Variants in RUNX1 observed in about 807,000 individuals in gnomAD.
RUNX1 encodes the protein runt-related transcription factor 1.
RUNX1 carries 19 observed loss-of-function variants against 42.8 expected under a neutral mutation model. That is an observed-to-expected ratio of 0.44 (90% confidence interval 0.31 to 0.65). The LOEUF (loss-of-function observed/expected upper bound fraction) is 0.65, where lower values mean the gene tolerates loss of function less well. Among genes scored for constraint, RUNX1 ranks in the 30% least tolerant of loss-of-function variants. The pLI, the probability that RUNX1 is intolerant of heterozygous loss-of-function variation, is 0.07. For missense variants in RUNX1, 528 were observed against 672.0 expected (o/e 0.79, Z 2.37); for synonymous variants, 271 against 289.4 (o/e 0.94, Z 0.64).
At chr21:34,943,096 G>A (rs2058539568) in intron 2 of RUNX1, among the ~76,000 whole-genome samples, 1 of 152,208 alleles carries the variant, frequency 6.6e-6, no homozygotes, top group South Asian at 2.1e-4. Context: ...TAAAGGGGAA[G>A]GATCCACAGG....
intron 5 of RUNX1, among the ~76,000 whole-genome samples, chr21:34,876,210 A>G (rs1469573480): frequency 6.6e-6 from 1 of 152,030 alleles, no homozygotes; most frequent in Non-Finnish European, 1.5e-5. Context: ...CCTCCCCTTT[A>G]CCCGTGATGA....
intron 2 of RUNX1, among the ~76,000 whole-genome samples, chr21:34,964,011 CCAGGTTTTACCCCTGTA>C (rs1235739789): frequency 6.6e-6 from 1 of 152,150 alleles, no homozygotes; most frequent in Admixed American, 6.5e-5. Context: ...TTCATTCATT[CCAGGTTTTACCCCTGTA>C]CTCACAGAAC....
rs1322605308 is a variant in RUNX1, at chr21:34,993,767, GCACACACACAGACA to G, written c.58+55061_58+55074del. Among the ~76,000 whole-genome samples, 181 of 26,526 alleles carry G rather than the reference GCACACACACAGACA, an allele frequency of 6.8e-3. 2 individuals carry two copies. In the Middle Eastern group the frequency reaches 0.083, roughly 12 times the overall value. The allele number at this position is 26,526 out of a possible 152,430, so 17.4% of individuals were successfully genotyped here. Reference sequence around the variant, plus strand: ...GACACACACACAGACACACACAGGCGCACACACACAGACACACACACACAGACACACACACAGAC... The same window carrying G: ...GACACACACACAGACACACACAGGCGCACACACACAGACACACACACAGAC... On this transcript the variant is annotated intron_variant, in intron 2 of 8. Coordinates refer to ENST00000675419, the MANE Select transcript of RUNX1 (RefSeq NM_001754.5).
At chr21:35,038,171 A>G (rs2059323810) in intron 2 of RUNX1, among the ~76,000 whole-genome samples, 2 of 152,054 alleles carry the variant, frequency 1.3e-5, no homozygotes, top group South Asian at 4.1e-4. Flanking sequence ...GGGCTCCGTG[A>G]GGTTCGATAA....
intron 5 of RUNX1, among the ~76,000 whole-genome samples, chr21:34,877,235 T>C (rs1462451912): frequency 3.9e-5 from 6 of 152,126 alleles, no homozygotes; most frequent in Admixed American, 1.3e-4. Context: ...AGGTGGCAGG[T>C]GATGTAGCAC....
chr21:34,955,252 T>C (rs2058636258), intron 2 of RUNX1, among the ~76,000 whole-genome samples: 2 of 152,022 alleles, frequency 1.3e-5, no homozygotes, highest in South Asian at 4.2e-4. Flanking sequence ...TTTAAAGTTA[T>C]CCAGGGGACT....
At chr21:34,894,673 G>A (rs1021282342) in intron 2 of RUNX1, among the ~76,000 whole-genome samples, 5 of 152,116 alleles carry the variant, frequency 3.3e-5, no homozygotes, top group Non-Finnish European at 5.9e-5. Context: ...GTGCTAGCTT[G>A]CATGCTCTCT....
At position 34,791,952 on chromosome 21, in the gene RUNX1, G is replaced by A; in HGVS notation, c.*183C>T. On this transcript the variant is annotated 3_prime_UTR_variant, in exon 9 of 9. Coordinates refer to ENST00000675419, the MANE Select transcript of RUNX1 (RefSeq NM_001754.5). The stretch of plus-strand genomic sequence containing the variant: ...GCAGACGGCGGCGGCGTGGGCTTCT[G>A]GGCGCAGGAGGCTGCGCGGGCCTGA... 2.6e-6 allele frequency: 1 copy of A among 381,952 alleles called. No individual in the cohort carries two copies. The highest frequency in any genetic ancestry group is 3.1e-5 in the South Asian group (1 of 31,912). The allele number at this position is 381,952 out of a possible 1,614,324, so 23.7% of individuals were successfully genotyped here. A position where few individuals can be genotyped will look rare whatever the true frequency, so the allele number is the denominator to read the frequency against.
At chr21:34,869,705 G>A (rs920477574) in intron 5 of RUNX1, among the ~76,000 whole-genome samples, 4 of 152,166 alleles carry the variant, frequency 2.6e-5, no homozygotes, top group Admixed American at 6.5e-5. Flanking sequence ...CGGAACATCC[G>A]GAAGTCCTCA....
intron 2 of RUNX1, among the ~76,000 whole-genome samples, chr21:34,999,455 C>A (rs1227444050): frequency 1.3e-5 from 2 of 152,216 alleles, no homozygotes; most frequent in Non-Finnish European, 2.9e-5. Context: ...ACCTGGGAGA[C>A]CTGCGCTTCC....
intron 7 of RUNX1, 152 bp downstream of exon 7, chr21:34,834,258 A>T: frequency 1.3e-6 from 1 of 797,906 alleles, no homozygotes; most frequent in Non-Finnish European, 2.2e-6. Flanking sequence ...CATTTCCAAC[A>T]GCTCCCAGGT....
At chr21:34,953,629 C>T (rs564285223) in intron 2 of RUNX1, among the ~76,000 whole-genome samples, 1 of 152,288 alleles carries the variant, frequency 6.6e-6, no homozygotes, top group African/African-American at 2.4e-5. Flanking sequence ...AAGAAATAAA[C>T]TTTTATTTTG....
At chr21:34,903,333 A>G (rs1367471952) in intron 2 of RUNX1, among the ~76,000 whole-genome samples, 1 of 152,238 alleles carries the variant, frequency 6.6e-6, no homozygotes, top group Non-Finnish European at 1.5e-5. Context: ...GATGTACAAT[A>G]TAGTTTAATT....
chr21:35,004,603 G>A (rs2059070167), intron 2 of RUNX1, among the ~76,000 whole-genome samples: 1 of 152,144 alleles, frequency 6.6e-6, no homozygotes, highest in African/African-American at 2.4e-5. Flanking sequence ...GTCCATTGTT[G>A]AAGTAATCAT....
intron 2 of RUNX1, among the ~76,000 whole-genome samples, chr21:35,026,127 C>T (rs1446083238): frequency 6.6e-6 from 1 of 152,146 alleles, no homozygotes; most frequent in East Asian, 1.9e-4. Flanking sequence ...TTTAGGAGTG[C>T]TTGTACTTTT....
chr21:34,960,984 A>AG (rs2058677966), intron 2 of RUNX1, among the ~76,000 whole-genome samples: 3 of 152,192 alleles, frequency 2.0e-5, no homozygotes, highest in Non-Finnish European at 4.4e-5. Flanking sequence ...TGAAGATAAA[A>AG]TAGTCTTGTA....
rs151066455 is a variant in RUNX1 at position 34,918,097 on chromosome 21, C to T, written c.59-25134G>A. Among the ~76,000 whole-genome samples, 497 of 136,028 alleles carry T rather than the reference C, an allele frequency of 3.7e-3. 2 individuals are homozygous for T. The highest frequency in any genetic ancestry group is 0.034 in the East Asian group (159 of 4,692). 89.2% of individuals were successfully genotyped at this position (136,028 alleles called of 152,430 possible). ...GAGCTGAGATTGAGCCACTGCACTCCAGCCTGGGTGACAGGGTGAGACTCT... is the reference window on the plus strand; with the variant it reads ...GAGCTGAGATTGAGCCACTGCACTCTAGCCTGGGTGACAGGGTGAGACTCT... On this transcript the variant is annotated intron_variant, in intron 2 of 8. Transcript: ENST00000675419.
At chr21:34,817,418 G>T (rs935023314) in intron 7 of RUNX1, among the ~76,000 whole-genome samples, 2 of 152,198 alleles carry the variant, frequency 1.3e-5, no homozygotes, top group African/African-American at 4.8e-5. Context: ...AACAGCATAT[G>T]GATTTTCCCT....
intron 2 of RUNX1, among the ~76,000 whole-genome samples, chr21:34,921,534 A>G (rs1601572451): frequency 1.3e-5 from 2 of 152,194 alleles, no homozygotes; most frequent in Admixed American, 1.3e-4. Context: ...TTGTGTGTCA[A>G]TGGGCTTGGG....
Sources: allele counts gnomAD v4.1 joint callset (sites outside exome capture counted in the v4.1 genomes callset), GRCh38; gene constraint gnomAD v4.1.1; transcripts MANE v1.5; gene names NCBI Gene and HGNC (gene_info 2026-07-23, HGNC 2026-07-21).